The following PLSCR2 variants were observed in gnomAD, a reference collection of about 807,000 sequenced individuals.
The protein encoded by PLSCR2 is PL scramblase 2.
Under a neutral mutation model 25.3 loss-of-function variants are expected in PLSCR2, and 18 were observed. The observed-to-expected ratio is 0.71, with a 90% CI of 0.49 to 1.06. The LOEUF (loss-of-function observed/expected upper bound fraction) is 1.06. Ranked by LOEUF, PLSCR2 falls within the 50% of genes least tolerant of loss-of-function variation. PLSCR2 has a pLI of 0.00. For missense variants in PLSCR2, 243 were observed against 269.5 expected, an observed-to-expected ratio of 0.90 and a Z score of 0.69; for synonymous variants, 88 against 87.3, an observed-to-expected ratio of 1.01 and a Z score of -0.04.
downstream of PLSCR2, among the ~76,000 whole-genome samples, chr3:146,439,816 G>A (rs1267898033): frequency 2.0e-5 from 3 of 152,158 alleles, no homozygotes; most frequent in African/African-American, 4.8e-5. Context: ...CATTGCTGGC[G>A]AGGAGCTGCA....
intron 1 of PLSCR2, among the ~76,000 whole-genome samples, chr3:146,475,206 G>A (rs746680305): frequency 1.3e-5 from 2 of 151,884 alleles, no homozygotes; most frequent in South Asian, 4.2e-4. Context: ...CAATCATTTG[G>A]GGGGAGAAGA....
At chr3:146,419,733 T>G (rs1208770435) in intron 2 of PLSCR2, among the ~76,000 whole-genome samples, 1 of 152,090 alleles carries the variant, frequency 6.6e-6, no homozygotes, top group African/African-American at 2.4e-5. Flanking sequence ...GTTTGTGGCC[T>G]CCTTCCTCCA....
At chr3:146,483,609 C>T (rs574490381) in intron 1 of PLSCR2, among the ~76,000 whole-genome samples, 13 of 149,958 alleles carry the variant, frequency 8.7e-5, no homozygotes, top group South Asian at 6.3e-4. Context: ...CCAGCCTCTT[C>T]GGGTGATGTA....
upstream of PLSCR2, chr3:146,463,916 C>T (rs2041742762): frequency 1.0e-6 from 1 of 972,096 alleles, no homozygotes; most frequent in South Asian, 4.8e-5. Flanking sequence ...AAGAATTCTC[C>T]AATTATAGTC....
chr3:146,432,024 A>T (rs1376888671), downstream of PLSCR2, among the ~76,000 whole-genome samples: 1 of 152,254 alleles, frequency 6.6e-6, no homozygotes, highest in East Asian at 1.9e-4. Flanking sequence ...TCTTTAATGG[A>T]GTTGGCTGCT....
rs534666693 is a variant in PLSCR2 at position 146,455,231 on chromosome 3, T to G, written c.321+8A>C. 8.2e-6 allele frequency: 13 copies of G among 1,589,656 alleles called. No homozygotes were observed. In the African/African-American group the frequency reaches 1.7e-4, roughly 21 times the overall value. On this transcript the variant is annotated splice_region_variant and intron_variant, in intron 4 of 6. Transcript: ENST00000610787. ...CTTTATGAAAAGCTCTAGTAATTGC[T>G]CACATACCTCCTGAAGGCAGCAGGG...
At chr3:146,411,907 C>T (rs764500784) in intron 2 of PLSCR2, among the ~76,000 whole-genome samples, 4 of 152,116 alleles carry the variant, frequency 2.6e-5, no homozygotes, top group Admixed American at 6.6e-5. Context: ...ATCAATTAGA[C>T]GAATTCTTGG....
chr3:146,394,822 G>GA (rs2038218857), intron 3 of PLSCR2, among the ~76,000 whole-genome samples: 1 of 152,180 alleles, frequency 6.6e-6, no homozygotes, highest in Non-Finnish European at 1.5e-5. Context: ...AGTGGGGAGG[G>GA]AGGGAAGTGA....
intron 1 of PLSCR2, among the ~76,000 whole-genome samples, chr3:146,473,322 T>TTTTAATA (rs2042179112): frequency 6.7e-6 from 1 of 149,138 alleles, no homozygotes. Flanking sequence ...TTTTTTTTTT[T>TTTTAATA]AAGACAGAGT....
chr3:146,425,424 T>C (rs934752319), intron 2 of PLSCR2, among the ~76,000 whole-genome samples: 4 of 152,184 alleles, frequency 2.6e-5, no homozygotes, highest in African/African-American at 9.7e-5. Flanking sequence ...TCTGGTACTA[T>C]GTGGCAAGTC....
chr3:146,442,651 A>T (rs2040318853), intron 6 of PLSCR2, among the ~76,000 whole-genome samples: 1 of 152,022 alleles, frequency 6.6e-6, no homozygotes, highest in East Asian at 1.9e-4. Flanking sequence ...ACAGAAATAA[A>T]CCCAAACATT....
intron 2 of PLSCR2, among the ~76,000 whole-genome samples, chr3:146,409,110 G>A (rs558153492): frequency 6.6e-6 from 1 of 152,202 alleles, no homozygotes; most frequent in African/African-American, 2.4e-5. Context: ...AGAGAAGGGA[G>A]GATTATGGGT....
downstream of PLSCR2, among the ~76,000 whole-genome samples, chr3:146,437,510 T>C (rs1450249610): frequency 6.6e-6 from 1 of 152,340 alleles, no homozygotes; most frequent in Non-Finnish European, 1.5e-5. Context: ...GGAGGGTGTA[T>C]GTGTCCAGGA....
intron 2 of PLSCR2, among the ~76,000 whole-genome samples, chr3:146,399,778 TCTTCCTCCTTCTTTCCTCCTTC>T (rs1355429618): frequency 8.5e-5 from 9 of 106,078 alleles, no homozygotes; most frequent in African/African-American, 1.9e-4. Flanking sequence ...CTTGCTTTCT[TCTTCCTCCTTCTTTCCTCCTTC>T]CTTCCTTCTT....
chr3:146,421,596 C>T (rs2039154232), intron 2 of PLSCR2, among the ~76,000 whole-genome samples: 1 of 152,042 alleles, frequency 6.6e-6, no homozygotes, highest in Admixed American at 6.6e-5. Flanking sequence ...CTGTCTGGCC[C>T]ACAACCCACT....
chr3:146,448,705 A>G (rs1361201334), intron 6 of PLSCR2, among the ~76,000 whole-genome samples: 1 of 152,214 alleles, frequency 6.6e-6, no homozygotes, highest in East Asian at 1.9e-4. Context: ...AAGTTTCTAG[A>G]TAATTCTAAT....
At chr3:146,441,948 G>A in intron 6 of PLSCR2, 127 bp from the exon 7 acceptor site, 1 of 579,874 alleles carries the variant, frequency 1.7e-6, no homozygotes, top group South Asian at 2.4e-5. Flanking sequence ...ACTATAATAA[G>A]TAATGTGAGA....
At chr3:146,455,554 T>C (rs2041168830) in intron 3 of PLSCR2, 95 bp from the exon 4 acceptor site, 5 of 731,692 alleles carry the variant, frequency 6.8e-6, no homozygotes, top group Non-Finnish European at 2.3e-6. Flanking sequence ...ATGCTCCAAG[T>C]ATCATAGAAA....
chr3:146,487,081 T>C (rs1156648731), intron 1 of PLSCR2, among the ~76,000 whole-genome samples: 1 of 152,174 alleles, frequency 6.6e-6, no homozygotes, highest in Non-Finnish European at 1.5e-5. Context: ...ATTATTTCAA[T>C]AGACATAGAA....
Sources: gnomAD v4.1 joint callset for allele counts (sites outside exome capture counted in the v4.1 genomes callset) on GRCh38, gnomAD v4.1.1 for gene constraint, MANE v1.5 for transcripts, NCBI Gene and HGNC (gene_info 2026-07-23, HGNC 2026-07-21) for gene names.